Variants in RPH3A observed in about 807,000 individuals in gnomAD.
RPH3A encodes rabphilin-3A.
A neutral mutation model predicts 102.2 loss-of-function variants in RPH3A; 48 were observed. The observed-to-expected ratio is 0.47, with a 90% CI of 0.37 to 0.60. The LOEUF (loss-of-function observed/expected upper bound fraction) is 0.60. Among genes scored for constraint, RPH3A ranks in the 20% least tolerant of loss-of-function variants. The pLI is 0.00. For missense variants in RPH3A, 781 were observed against 910.1 expected (o/e 0.86, Z 1.83); for synonymous variants, 310 against 324.3 (o/e 0.96, Z 0.47).
chr12:112,586,247 G>C (rs1444300076), intron 1 of RPH3A, among the ~76,000 whole-genome samples: 1 of 152,130 alleles, frequency 6.6e-6, no homozygotes, highest in Non-Finnish European at 1.5e-5. Flanking sequence ...ACAAAGTAAT[G>C]AATAAAATAA....
At chr12:112,866,736 T>C in intron 6 of RPH3A, 21 bp from the exon 7 acceptor site, 1 of 1,601,392 alleles carries the variant, frequency 6.2e-7, no homozygotes, top group South Asian at 1.1e-5. Flanking sequence ...TCTGAGTGTG[T>C]TGGCTGTGTT....
At chr12:112,801,477 A>G (rs1181227394) in intron 2 of RPH3A, among the ~76,000 whole-genome samples, 3 of 152,218 alleles carry the variant, frequency 2.0e-5, no homozygotes, top group Non-Finnish European at 4.4e-5. Context: ...AGAGGGGTCC[A>G]GGCATGTCTT....
chr12:112,822,776 CAAG>C (rs934482388), intron 2 of RPH3A, among the ~76,000 whole-genome samples: 3 of 152,218 alleles, frequency 2.0e-5, no homozygotes, highest in African/African-American at 4.8e-5. Flanking sequence ...TAAAATGGGA[CAAG>C]AAGAGCACAT....
chr12:112,617,345 C>T (rs1452893899), intron 1 of RPH3A, among the ~76,000 whole-genome samples: 1 of 152,174 alleles, frequency 6.6e-6, no homozygotes, highest in Non-Finnish European at 1.5e-5. Context: ...GGTGGCTCAG[C>T]ATCCCCAAAT....
chr12:112,893,487 T>A (rs1169470409), intron 19 of RPH3A: 1 of 152,252 alleles, frequency 6.6e-6, no homozygotes, highest in Non-Finnish European at 1.5e-5. Context: ...TTGTGTTTAC[T>A]CACCCAGGAA....
intron 1 of RPH3A, among the ~76,000 whole-genome samples, chr12:112,634,430 C>T (rs187395898): frequency 0.011 from 1,647 of 146,726 alleles, 18 homozygotes; most frequent in Admixed American, 0.023. Flanking sequence ...GTGGCGGGCA[C>T]CTGTGGTCCC....
At chr12:112,725,739 A>G (rs1016215396) in intron 1 of RPH3A, among the ~76,000 whole-genome samples, 4 of 151,114 alleles carry the variant, frequency 2.6e-5, no homozygotes, top group African/African-American at 7.3e-5. Flanking sequence ...TAAAATTTTT[A>G]TATATTTAGG....
At position 112,679,936 on chromosome 12, in the gene RPH3A, C is replaced by T. The variant is rs2040214934; in HGVS notation, c.-140+104617C>T. ...TTGACACAGACTGACAGTGAGTGGC[C>T]GGCTTTGGACAGGGCTGTCAGGGAA... On this transcript the variant is annotated intron_variant, in intron 1 of 21. Transcript: ENST00000543106. 2.0e-5 allele frequency among the ~76,000 whole-genome samples: 3 copies of T among 152,132 alleles called. 1 individual carries two copies. The highest frequency in any genetic ancestry group is 7.2e-5 in the African/African-American group (3 of 41,418).
rs773488903 is a variant in RPH3A, at chr12:112,792,281, G to T, written c.-19+18G>T. Reference sequence around the variant, plus strand: ...GCGTCGCGGTAAGTGATATTCTCCCGGGTTGTGCAGATGGGCTAGGGGTGT... The same window carrying T: ...GCGTCGCGGTAAGTGATATTCTCCCTGGTTGTGCAGATGGGCTAGGGGTGT... On this transcript the variant is annotated intron_variant, in intron 2 of 21. Transcript: ENST00000389385. 1 of 152,162 alleles carries T rather than the reference G, an allele frequency of 6.6e-6. No homozygotes were observed. The highest frequency in any genetic ancestry group is 1.5e-5 in the Non-Finnish European group (1 of 68,052). 9.4% of individuals were successfully genotyped at this position (152,162 alleles called of 1,614,324 possible).
intron 1 of RPH3A, among the ~76,000 whole-genome samples, chr12:112,580,029 C>CTA (rs2039386099): frequency 6.6e-6 from 1 of 152,198 alleles, no homozygotes; most frequent in African/African-American, 2.4e-5. Flanking sequence ...GAAGTCTCTA[C>CTA]TATAGGCTAA....
chr12:112,823,301 AG>A (rs1175311739), intron 2 of RPH3A, among the ~76,000 whole-genome samples: 2 of 152,214 alleles, frequency 1.3e-5, no homozygotes, highest in Non-Finnish European at 2.9e-5. Flanking sequence ...TCCAAACCCC[AG>A]TTCTGCTACT....
At chr12:112,644,752 A>G (rs1171873640) in intron 1 of RPH3A, among the ~76,000 whole-genome samples, 5 of 152,246 alleles carry the variant, frequency 3.3e-5, no homozygotes, top group Non-Finnish European at 7.3e-5. Flanking sequence ...TTTAGCTGCC[A>G]TGTAGATGAG....
At chr12:112,714,640 T>A (rs1195858023) in intron 1 of RPH3A, among the ~76,000 whole-genome samples, 1 of 152,220 alleles carries the variant, frequency 6.6e-6, no homozygotes, top group Non-Finnish European at 1.5e-5. Flanking sequence ...TCTCTTTCCG[T>A]CTTTCCTGGG....
At chr12:112,765,778 C>T (rs768843339) in intron 1 of RPH3A, among the ~76,000 whole-genome samples, 6 of 152,184 alleles carry the variant, frequency 3.9e-5, no homozygotes, top group Non-Finnish European at 5.9e-5. Flanking sequence ...AACCACACCT[C>T]GCTCATCTTA....
At chr12:112,615,293 T>C (rs2039669843) in intron 1 of RPH3A, among the ~76,000 whole-genome samples, 1 of 152,166 alleles carries the variant, frequency 6.6e-6, no homozygotes. Flanking sequence ...TGTGTGAAGA[T>C]GGGCTGGCTT....
chr12:112,825,903 T>C (rs1690934936), intron 2 of RPH3A, among the ~76,000 whole-genome samples: 1 of 152,218 alleles, frequency 6.6e-6, no homozygotes, highest in East Asian at 1.9e-4. Flanking sequence ...TTTTATTTAT[T>C]TATTTATTTA....
At chr12:112,891,105 C>A in intron 19 of RPH3A, 102 bp downstream of exon 19, 2 of 1,366,898 alleles carry the variant, frequency 1.5e-6, no homozygotes, top group Non-Finnish European at 2.0e-6. Context: ...ACACTGAGAC[C>A]CAGAGAGGGC....
chr12:112,660,791 AGTG>A (rs1426008784), intron 1 of RPH3A, among the ~76,000 whole-genome samples: 4 of 152,242 alleles, frequency 2.6e-5, no homozygotes, highest in Admixed American at 6.5e-5. Flanking sequence ...GCTAGTGTGC[AGTG>A]GAGGAGGGGT....
chr12:112,846,236 T>C (rs1459139786), intron 4 of RPH3A, among the ~76,000 whole-genome samples: 1 of 152,214 alleles, frequency 6.6e-6, no homozygotes, highest in Non-Finnish European at 1.5e-5. Flanking sequence ...TGTGCAACCA[T>C]CCCTTCTGCC....
Sources: allele counts gnomAD v4.1 joint callset (sites outside exome capture counted in the v4.1 genomes callset), GRCh38; gene constraint gnomAD v4.1.1; transcripts MANE v1.5; gene names NCBI Gene and HGNC (gene_info 2026-07-23, HGNC 2026-07-21).